Variants in SETDB1 observed in about 807,000 individuals in gnomAD.
SETDB1 encodes histone-lysine N-methyltransferase SETDB1.
SETDB1 carries 31 observed loss-of-function variants against 137.4 expected under a neutral mutation model. The observed-to-expected ratio is 0.23, with a 90% CI of 0.17 to 0.30. SETDB1 has a LOEUF of 0.30. SETDB1 is among the 10% of genes least tolerant of loss of function. The probability of loss-of-function intolerance (pLI) is 1.00; values close to 1 mark genes in which losing one functional copy is unlikely to be tolerated. For synonymous variants in SETDB1, 548 were observed against 579.9 expected (o/e 0.95, Z 0.79); for missense variants, 1,113 against 1,631.5 (o/e 0.68, Z 5.47).
At chr1:150,938,227 A>AC (rs1289907564) in intron 3 of SETDB1, among the ~76,000 whole-genome samples, 1 of 151,634 alleles carries the variant, frequency 6.6e-6, no homozygotes, top group East Asian at 1.9e-4. Context: ...CTCAAAAAAA[A>AC]AAAAAGGAAT....
At chr1:150,930,168 C>T in intron 3 of SETDB1, 50 bp downstream of exon 3, 1 of 1,470,104 alleles carries the variant, frequency 6.8e-7, no homozygotes, top group Non-Finnish European at 9.4e-7. Context: ...AGTTGAAACA[C>T]TGGAAGATGA....
At chr1:150,963,241 T>G in intron 19 of SETDB1, 102 bp downstream of exon 19, 1 of 1,095,546 alleles carries the variant, frequency 9.1e-7, no homozygotes, top group South Asian at 1.5e-5. Flanking sequence ...AAAATTCAGA[T>G]CCTAAGAATT....
At chr1:150,939,917 A>AT (rs768610598) in intron 3 of SETDB1, 23 bp from the exon 4 acceptor site, 2 of 1,601,904 alleles carry the variant, frequency 1.2e-6, no homozygotes, top group South Asian at 2.2e-5. Flanking sequence ...TCTGACACTC[A>AT]TTAGAGTTCT....
At chr1:150,944,462 A>G (rs1170962467) in intron 8 of SETDB1, among the ~76,000 whole-genome samples, 1 of 152,236 alleles carries the variant, frequency 6.6e-6, no homozygotes, top group African/African-American at 2.4e-5. Flanking sequence ...ATCATTTTTA[A>G]CTGCAGAAGA....
In SETDB1 at chr1:150,949,505, T is replaced by G; in HGVS notation, c.1563T>G (p.Pro521=). The change falls in exon 12 of 22, where the codon CCT becomes CCG. Residue 521 remains proline (P), a synonymous_variant. Transcript: ENST00000692827. Reference sequence around the variant, plus strand: ...GTGAAAATGTCTCTGGTGGGAAACCTGGGATCAACCAGACATATAGGTGAG... The same window carrying G: ...GTGAAAATGTCTCTGGTGGGAAACCGGGGATCAACCAGACATATAGGTGAG... ...ALSENVSGGK[P]GINQTYRSPL... 1.2e-6 allele frequency: 2 copies of G among 1,614,058 alleles called. No homozygotes were observed. The highest frequency in any genetic ancestry group is 2.7e-5 in the African/African-American group (2 of 74,996).
chr1:150,940,460 T>A (rs886189402), intron 4 of SETDB1, among the ~76,000 whole-genome samples: 7 of 150,334 alleles, frequency 4.7e-5, no homozygotes, highest in African/African-American at 1.7e-4. Flanking sequence ...CCCAGCTGCT[T>A]GGGAGGCTGA....
chr1:150,927,702 A>G lies in SETDB1; in HGVS notation c.-11-2A>G, dbSNP rs1369347168. The G allele has an allele frequency of 6.2e-7, 1 of 1,612,770 alleles. No individual in the cohort carries two copies. The highest frequency in any genetic ancestry group is 2.2e-5 in the East Asian group (1 of 44,854). On this transcript the variant is annotated splice_acceptor_variant, in intron 1 of 21. Coordinates refer to ENST00000692827, the MANE Select transcript of SETDB1 (RefSeq NM_001366418.1). LOFTEE classifies it low-confidence loss of function (5UTR_SPLICE). ...ATTTAATTTGTTTTCTGTTCCATGC[A>G]GAGGACAAAAGCATGTCTTCCCTTC...
At chr1:150,962,286 A>C in intron 17 of SETDB1, 128 bp downstream of exon 17, 1 of 861,854 alleles carries the variant, frequency 1.2e-6, no homozygotes, top group Non-Finnish European at 1.9e-6. Context: ...CTCCCACCTC[A>C]GCCTCCCTAG....
chr1:150,940,771 G>A (rs1396395159), intron 4 of SETDB1, among the ~76,000 whole-genome samples: 2 of 151,894 alleles, frequency 1.3e-5, no homozygotes, highest in Non-Finnish European at 2.9e-5. Context: ...AGGCTGAGGC[G>A]GGTGGAACAC....
chr1:150,960,999 C>T lies in SETDB1; in HGVS notation c.2940C>T (p.Asn980=). The T allele has an allele frequency of 6.2e-7, 1 of 1,613,714 alleles. No individual in the cohort carries two copies. Residue 980 remains asparagine (N), a synonymous_variant, in exon 16 of 22, where the codon AAC becomes AAT. Coordinates refer to ENST00000692827, the MANE Select transcript of SETDB1 (RefSeq NM_001366418.1). ...NPPSSEETPK[N]KVASWLSCNS... is the part of the protein sequence containing the mutation. ...CTTCCTCCGAAGAGACACCCAAGAACAAGGTGGCCTCATGGTTGAGCTGCA... is the reference window on the plus strand; with the variant it reads ...CTTCCTCCGAAGAGACACCCAAGAATAAGGTGGCCTCATGGTTGAGCTGCA...
chr1:150,927,757 G>A lies in SETDB1; in HGVS notation c.43G>A (p.Ala15Thr), dbSNP rs751482851. 6.2e-7 allele frequency: 1 copy of A among 1,614,192 alleles called. No homozygotes were observed. The highest frequency in any genetic ancestry group is 2.2e-5 in the East Asian group (1 of 44,892). The change falls in exon 2 of 22, where the codon GCT becomes ACT. Residue 15 changes from alanine (A) to threonine (T), a missense_variant. Transcript: ENST00000692827. ...GTGCATTGGTTTGGATGCAGCAACA[G>A]CTACAGTGGAGTCTGAAGAGATTGC... ...PGCIGLDAAT[A>T]TVESEEIAEL...
At chr1:150,957,633 A>T (rs1356111090) in intron 14 of SETDB1, among the ~76,000 whole-genome samples, 2 of 152,242 alleles carry the variant, frequency 1.3e-5, no homozygotes, top group African/African-American at 4.8e-5. Flanking sequence ...TAACTGTGTT[A>T]TCTTCCTTTA....
At chr1:150,955,014 G>T (rs1267098296) in intron 14 of SETDB1, among the ~76,000 whole-genome samples, 1 of 152,182 alleles carries the variant, frequency 6.6e-6, no homozygotes, top group African/African-American at 2.4e-5. Flanking sequence ...CAGGAAAATT[G>T]GTTTAACAGA....
intron 14 of SETDB1, among the ~76,000 whole-genome samples, chr1:150,956,385 CAAAA>C (rs5777743): frequency 8.6e-6 from 1 of 116,860 alleles, no homozygotes; most frequent in Non-Finnish European, 1.8e-5. Context: ...GACTCCGCCT[CAAAA>C]AAAAAAAAAA....
chr1:150,962,922 A>T, intron 18 of SETDB1, 52 bp from the exon 19 acceptor site: 1 of 1,591,396 alleles, frequency 6.3e-7, no homozygotes, highest in Non-Finnish European at 8.6e-7. Flanking sequence ...CAAGGACTTA[A>T]AGGAGCCCTT....
chr1:150,961,374 CGGGCACAGT>C, intron 16 of SETDB1, 183 bp downstream of exon 16: 2 of 641,250 alleles, frequency 3.1e-6, no homozygotes, highest in East Asian at 5.9e-5. Flanking sequence ...AATTATTGAC[CGGGCACAGT>C]GGCTCACACC....
At position 150,962,191 on chromosome 1, in the gene SETDB1, C is replaced by CA. The variant is rs748334661; in HGVS notation, c.3161+34dup. 72 of 1,601,312 alleles carry CA rather than the reference C, an allele frequency of 4.5e-5. 2 individuals are homozygous for CA. Among genetic ancestry groups the CA allele is most frequent in the African/African-American group, 4.0e-4 (30 of 74,764 alleles). The stretch of plus-strand genomic sequence containing the variant: ...CCTTTTGTTTTGTTTTGTTTTGAGA[C>CA]AGAGTCTTGCTTTGTCACCCAGGCT... On this transcript the variant is annotated intron_variant, in intron 17 of 21. Transcript: ENST00000692827.
At chr1:150,953,025 A>G (rs1414555617) in intron 14 of SETDB1, among the ~76,000 whole-genome samples, 4 of 152,226 alleles carry the variant, frequency 2.6e-5, no homozygotes, top group African/African-American at 9.6e-5. Flanking sequence ...TTAAAGCCTG[A>G]ATAAGTTCAC....
intron 2 of SETDB1, chr1:150,928,182 C>T (rs189662373): frequency 2.5e-4 from 141 of 562,284 alleles, no homozygotes; most frequent in African/African-American, 2.0e-3. Context: ...CTCCCCCTCC[C>T]GAGTAGCTGG....
Sources: gnomAD v4.1 joint callset for allele counts (sites outside exome capture counted in the v4.1 genomes callset) on GRCh38, gnomAD v4.1.1 for gene constraint, MANE v1.5 for transcripts, NCBI Gene and HGNC (gene_info 2026-07-23, HGNC 2026-07-21) for gene names.